The following GRIP1 variants were observed in gnomAD, a reference collection of about 807,000 sequenced individuals.
GRIP1 encodes glutamate receptor-interacting protein 1.
Under a neutral mutation model 129.9 loss-of-function variants are expected in GRIP1, and 45 were observed. The ratio of observed to expected loss-of-function variants is 0.35; its 90% confidence interval spans 0.27 to 0.44. The LOEUF is 0.44. Ranked by LOEUF, GRIP1 falls within the 20% of genes least tolerant of loss-of-function variation. GRIP1 has a pLI of 1.00. For missense variants in GRIP1, 1,196 were observed against 1,396.8 expected (o/e 0.86, Z 2.29); for synonymous variants, 530 against 520.8 (o/e 1.02, Z -0.24).
chr12:66,707,368 T>G (rs955787332), intron 1 of GRIP1, among the ~76,000 whole-genome samples: 11 of 151,986 alleles, frequency 7.2e-5, no homozygotes, highest in Middle Eastern at 3.4e-3. Context: ...AAACATACCA[T>G]GTAAGTAAGC....
intron 1 of GRIP1, among the ~76,000 whole-genome samples, chr12:66,825,511 T>C (rs1334757727): frequency 6.6e-6 from 1 of 152,196 alleles, no homozygotes; most frequent in African/African-American, 2.4e-5. Context: ...TTGGGTGCCA[T>C]CCTACTTTGC....
At chr12:66,938,346 G>A (rs1420700577) in intron 1 of GRIP1, among the ~76,000 whole-genome samples, 3 of 152,128 alleles carry the variant, frequency 2.0e-5, no homozygotes, top group Non-Finnish European at 4.4e-5. Flanking sequence ...CGGCATTCCA[G>A]CCTGGTGACA....
chr12:66,839,827 T>C (rs989190535), intron 1 of GRIP1, among the ~76,000 whole-genome samples: 1 of 152,234 alleles, frequency 6.6e-6, no homozygotes, highest in African/African-American at 2.4e-5. Flanking sequence ...GGCACTCTGC[T>C]AAGCGCTTCA....
rs572560958 is a variant in GRIP1, at chr12:66,863,306, A to T, written c.58+205744T>A. Among the ~76,000 whole-genome samples, 10 of 152,308 alleles carry T rather than the reference A, an allele frequency of 6.6e-5. No homozygotes were observed. The South Asian group carries it at 2.1e-3, about 32-fold the overall frequency. ...GTCCTAGGTGCTAAGAATATAGAAC[A>T]TTGAAGATAAATAAGTTCCTGTTCT... On this transcript the variant is annotated intron_variant, in intron 1 of 1. Coordinates refer to the GRIP1 transcript ENST00000643019.
intron 7 of GRIP1, among the ~76,000 whole-genome samples, chr12:66,498,096 A>T (rs1164389044): frequency 6.6e-6 from 1 of 152,020 alleles, no homozygotes; most frequent in African/African-American, 2.4e-5. Context: ...AAATCCTATA[A>T]AACTGCCCCA....
intron 1 of GRIP1, among the ~76,000 whole-genome samples, chr12:66,903,374 T>C (rs1157838829): frequency 3.9e-5 from 6 of 152,086 alleles, no homozygotes; most frequent in Non-Finnish European, 7.4e-5. Flanking sequence ...ATTAAATGTT[T>C]TGTATAATCA....
chr12:66,930,299 T>C (rs2041372186), intron 1 of GRIP1, among the ~76,000 whole-genome samples: 1 of 130,940 alleles, frequency 7.6e-6, no homozygotes, highest in Admixed American at 8.6e-5. Context: ...ATGTTCCCCT[T>C]CCTGTGTCCA....
At chr12:66,962,480 T>C (rs1016827615) in intron 1 of GRIP1, among the ~76,000 whole-genome samples, 8 of 152,056 alleles carry the variant, frequency 5.3e-5, no homozygotes. Flanking sequence ...ACAGTGCGAC[T>C]TAGACTAAAT....
chr12:66,418,175 A>T lies in GRIP1; in HGVS notation c.1838+2545T>A, dbSNP rs1008891511. ...TCATTTTTGACAAAGGTGCCTAGAA[A>T]CATACATTGGGGAAAAGACAGTCTC... On this transcript the variant is annotated intron_variant, in intron 15 of 24. Coordinates refer to ENST00000359742, the MANE Select transcript of GRIP1 (RefSeq NM_001366722.1). 2.0e-5 allele frequency among the ~76,000 whole-genome samples: 3 copies of T among 152,288 alleles called. No individual in the cohort carries two copies. The East Asian group carries it at 5.8e-4, about 29-fold the overall frequency.
At chr12:66,453,645 T>C (rs2138212192) in intron 11 of GRIP1, among the ~76,000 whole-genome samples, 1 of 152,356 alleles carries the variant, frequency 6.6e-6, no homozygotes, top group Middle Eastern at 3.4e-3. Context: ...TCTAAACACA[T>C]ATACACATGC....
chr12:66,720,168 C>A (rs968201564), intron 1 of GRIP1, among the ~76,000 whole-genome samples: 8 of 152,100 alleles, frequency 5.3e-5, no homozygotes, highest in African/African-American at 1.9e-4. Context: ...TAAATCAAGT[C>A]TCAAGAATTT....
chr12:66,973,378 CTTTTT>C lies in GRIP1; in HGVS notation c.58+95667_58+95671del, dbSNP rs55729292. On this transcript the variant is annotated intron_variant, in intron 1 of 1. Transcript: ENST00000643019. ...TTTTTCCCTTTTTTCCTTTTTCATT[CTTTTT>C]TTTTTTTTTTTTTGAAGGAAAATGT... 2.0e-3 allele frequency among the ~76,000 whole-genome samples: 263 copies of C among 129,486 alleles called. 3 individuals carry two copies. The highest frequency in any genetic ancestry group is 0.013 in the Middle Eastern group (3 of 234). The allele number at this position is 129,486 out of a possible 152,430, so 84.9% of individuals were successfully genotyped here.
At chr12:67,043,326 A>G (rs1364619534) in intron 1 of GRIP1, among the ~76,000 whole-genome samples, 1 of 152,228 alleles carries the variant, frequency 6.6e-6, no homozygotes, top group Non-Finnish European at 1.5e-5. Context: ...GTCTGTTATT[A>G]GGACTTGGGA....
intron 6 of GRIP1, among the ~76,000 whole-genome samples, chr12:66,517,552 G>C (rs1332754710): frequency 1.3e-5 from 2 of 152,106 alleles, no homozygotes; most frequent in Non-Finnish European, 2.9e-5. Flanking sequence ...TAAATGCTGA[G>C]TTCTGTAAGT....
chr12:66,452,339 T>C (rs780629327), intron 11 of GRIP1, among the ~76,000 whole-genome samples: 17 of 152,212 alleles, frequency 1.1e-4, no homozygotes, highest in Non-Finnish European at 2.2e-4. Context: ...TGGCAATGCC[T>C]CCAGGGCTTT....
intron 23 of GRIP1, among the ~76,000 whole-genome samples, chr12:66,371,162 T>TC (rs2055469283): frequency 6.6e-6 from 1 of 150,418 alleles, no homozygotes; most frequent in African/African-American, 2.5e-5. Flanking sequence ...TAAATAATTT[T>TC]TTTTTTTTTT....
At chr12:66,501,327 T>C (rs1319723579) in intron 7 of GRIP1, among the ~76,000 whole-genome samples, 1 of 152,180 alleles carries the variant, frequency 6.6e-6, no homozygotes, top group African/African-American at 2.4e-5. Flanking sequence ...AGCTTAAACA[T>C]GGAGAAAATT....
chr12:66,911,380 A>G (rs1334704458), intron 1 of GRIP1, among the ~76,000 whole-genome samples: 1 of 152,226 alleles, frequency 6.6e-6, no homozygotes, highest in East Asian at 1.9e-4. Context: ...CAAAGTATAC[A>G]CAGAGTCAGT....
rs1565754133 is a variant in GRIP1, at chr12:66,453,253, T to C, written c.1354+2156A>G. Among the ~76,000 whole-genome samples the C allele has an allele frequency of 2.0e-5, 3 of 152,202 alleles. No homozygotes were observed. The East Asian group carries it at 5.8e-4, about 29-fold the overall frequency. On this transcript the variant is annotated intron_variant, in intron 11 of 24. Transcript: ENST00000359742. ...TGTTTGTATTCACTAATGTCCCTAA[T>C]CAACACAGCAAGTCTTACCTAACAC... is the stretch of plus-strand genomic sequence containing the variant.
Sources: allele counts gnomAD v4.1 joint callset (sites outside exome capture counted in the v4.1 genomes callset), GRCh38; gene constraint gnomAD v4.1.1; transcripts MANE v1.5; gene names NCBI Gene and HGNC (gene_info 2026-07-23, HGNC 2026-07-21).